Variants in TCEA1 observed in about 807,000 individuals in gnomAD.
TCEA1 encodes the protein transcription elongation factor A1, also known as transcription elongation factor A protein 1.
TCEA1 carries 21 observed loss-of-function variants against 43.8 expected under a neutral mutation model. The observed-to-expected ratio is 0.48, with a 90% CI of 0.34 to 0.69. TCEA1 has a LOEUF of 0.69. Among genes scored for constraint, TCEA1 ranks in the 30% least tolerant of loss-of-function variants. The pLI is 0.01. For missense variants in TCEA1, 250 were observed against 365.1 expected (o/e 0.68, Z 2.57); for synonymous variants, 104 against 117.5 (o/e 0.88, Z 0.75).
intron 1 of TCEA1, among the ~76,000 whole-genome samples, chr8:54,015,912 C>T (rs1169545879): frequency 6.6e-6 from 1 of 152,052 alleles, no homozygotes; most frequent in Non-Finnish European, 1.5e-5. Context: ...CAAATGGCCA[C>T]AAAGCAATGA....
intron 1 of TCEA1, among the ~76,000 whole-genome samples, chr8:54,019,288 G>C (rs1804944116): frequency 6.6e-6 from 1 of 152,014 alleles, no homozygotes; most frequent in Non-Finnish European, 1.5e-5. Context: ...AACTTTTTCA[G>C]GCTGGGCGCA....
chr8:53,999,039 T>C (rs936679901), intron 3 of TCEA1, among the ~76,000 whole-genome samples: 7 of 151,898 alleles, frequency 4.6e-5, no homozygotes, highest in Admixed American at 6.6e-5. Flanking sequence ...CCACCCTGGC[T>C]AACACGGTGA....
At chr8:53,984,638 C>G (rs555875290) in intron 6 of TCEA1, 121 bp from the exon 7 acceptor site, 5 of 725,870 alleles carry the variant, frequency 6.9e-6, no homozygotes, top group African/African-American at 5.4e-5. Flanking sequence ...AATCCCAGCA[C>G]TTTGGGAGGC....
chr8:53,988,130 T>C lies in TCEA1; in HGVS notation c.450A>G (p.Ala150=), dbSNP rs1180240381. Reference sequence around the variant, plus strand: ...TGGACTTACCCCCTGTTCGAAGAGCTGCAGCAAGCATCTCCCTACACTTCA... The same window carrying C: ...TGGACTTACCCCCTGTTCGAAGAGCCGCAGCAAGCATCTCCCTACACTTCA... ...VRLKCREMLA[A]ALRTGDDYIA... is the part of the protein sequence containing the mutation. Residue 150 remains alanine (A), a synonymous_variant, in exon 5 of 10, where the codon GCA becomes GCG. Coordinates refer to ENST00000521604, the MANE Select transcript of TCEA1 (RefSeq NM_006756.4). 6.2e-7 allele frequency: 1 copy of C among 1,611,684 alleles called. No individual in the cohort carries two copies. The highest frequency in any genetic ancestry group is 8.5e-7 in the Non-Finnish European group (1 of 1,179,496).
In TCEA1 at chr8:53,970,366, T is replaced by C. The variant is rs1303346049; in HGVS notation, c.897+26A>G. 3.4e-6 allele frequency: 5 copies of C among 1,486,072 alleles called. No homozygotes were observed. The East Asian group carries it at 9.1e-5, about 27-fold the overall frequency. The allele number at this position is 1,486,072 out of a possible 1,614,324, so 92.1% of individuals were successfully genotyped here. On this transcript the variant is annotated intron_variant, in intron 9 of 9. Coordinates refer to ENST00000521604, the MANE Select transcript of TCEA1 (RefSeq NM_006756.4). Reference sequence around the variant, plus strand: ...AATCTTTCTATTTTAAGTGAGTATATAATATGAATCCAAGAGAGTCCATAC... The same window carrying C: ...AATCTTTCTATTTTAAGTGAGTATACAATATGAATCCAAGAGAGTCCATAC...
chr8:53,988,733 C>T (rs1393336045), intron 4 of TCEA1, among the ~76,000 whole-genome samples: 1 of 152,074 alleles, frequency 6.6e-6, no homozygotes, highest in Non-Finnish European at 1.5e-5. Context: ...AGAATGACAG[C>T]TTTCAACCAA....
At chr8:53,970,490 T>G in intron 8 of TCEA1, 27 bp from the exon 9 acceptor site, 1 of 1,463,014 alleles carries the variant, frequency 6.8e-7, no homozygotes, top group South Asian at 1.2e-5. Context: ...TTAAATGTAC[T>G]TTTTGCAGTA....
intron 1 of TCEA1, among the ~76,000 whole-genome samples, chr8:54,015,763 A>G (rs1804799094): frequency 6.6e-6 from 1 of 152,188 alleles, no homozygotes; most frequent in Non-Finnish European, 1.5e-5. Flanking sequence ...TTACAACTCA[A>G]TAATAAAAAG....
At chr8:53,970,260 G>T in intron 9 of TCEA1, 132 bp downstream of exon 9, 1 of 746,972 alleles carries the variant, frequency 1.3e-6, no homozygotes, top group Non-Finnish European at 2.5e-6. Context: ...CAAGTAGTCA[G>T]GGAGTACAAG....
chr8:53,980,422 A>G (rs976984601), intron 7 of TCEA1, among the ~76,000 whole-genome samples: 3 of 152,192 alleles, frequency 2.0e-5, no homozygotes, highest in Middle Eastern at 3.2e-3. Flanking sequence ...TGCTGTGTTG[A>G]GCAAATCTAT....
chr8:54,010,972 C>T (rs1283871533), intron 1 of TCEA1, among the ~76,000 whole-genome samples: 12 of 152,084 alleles, frequency 7.9e-5, no homozygotes, highest in South Asian at 2.1e-4. Context: ...CACACCACCA[C>T]GCTGGGCTAA....
intron 8 of TCEA1, chr8:53,972,059 T>C: frequency 8.3e-6 from 2 of 241,890 alleles, no homozygotes; most frequent in South Asian, 5.9e-5. Flanking sequence ...GCACCTCTGA[T>C]GTGAAATCTC....
At position 54,010,491 on chromosome 8, in the gene TCEA1, G is replaced by A. The variant is rs1254012570; in HGVS notation, c.65C>T (p.Ala22Val). 5 of 1,595,490 alleles carry A rather than the reference G, an allele frequency of 3.1e-6. No individual in the cohort carries two copies. The highest frequency in any genetic ancestry group is 4.3e-6 in the Non-Finnish European group (5 of 1,172,096). Residue 22 changes from alanine (A) to valine (V), a missense_variant and splice_region_variant, in exon 2 of 10, where the codon GCT (alanine) becomes GTT (valine). Transcript: ENST00000521604. The part of the protein sequence containing the change: ...MDKMVQKKNA[A>V]GALDLLKELK... The stretch of plus-strand genomic sequence containing the variant: ...CTCCTTTAGCAAATCCAATGCTCCA[G>A]CCTATAAAATAAAATAATTTCATAT...
At chr8:53,973,081 C>T (rs1427808783) in intron 8 of TCEA1, 2 of 663,934 alleles carry the variant, frequency 3.0e-6, no homozygotes, top group African/African-American at 1.8e-5. Context: ...GACTACTTAG[C>T]TTCCTCTAGC....
chr8:53,973,754 C>T (rs2129298782), intron 8 of TCEA1: 3 of 513,548 alleles, frequency 5.8e-6, no homozygotes, highest in Non-Finnish European at 1.1e-5. Context: ...AAGCAATGTA[C>T]ACTTCCCACT....
chr8:53,989,496 G>C (rs991091371), intron 4 of TCEA1, among the ~76,000 whole-genome samples: 2 of 152,116 alleles, frequency 1.3e-5, no homozygotes, highest in Non-Finnish European at 1.5e-5. Flanking sequence ...GGTGCCTGTG[G>C]GTCAGACGGA....
intron 8 of TCEA1, chr8:53,973,154 T>C (rs993201360): frequency 5.5e-6 from 3 of 544,046 alleles, no homozygotes; most frequent in Non-Finnish European, 1.0e-5. Context: ...TAGAAGAAGA[T>C]GGGAAAACAA....
At chr8:54,021,910 C>G (rs1324801264) in intron 1 of TCEA1, 153 bp downstream of exon 1, 3 of 644,028 alleles carry the variant, frequency 4.7e-6, no homozygotes, top group Non-Finnish European at 7.0e-6. Context: ...GCCCCGGGCC[C>G]GGACACCCTC....
chr8:53,988,466 CT>C (rs1020069257), intron 4 of TCEA1, among the ~76,000 whole-genome samples: 7 of 151,576 alleles, frequency 4.6e-5, no homozygotes, highest in African/African-American at 1.2e-4. Flanking sequence ...ACAAGTATGC[CT>C]TTTTTTTGAA....
Sources: allele counts gnomAD v4.1 joint callset (sites outside exome capture counted in the v4.1 genomes callset), GRCh38; gene constraint gnomAD v4.1.1; transcripts MANE v1.5; gene names NCBI Gene and HGNC (gene_info 2026-07-23, HGNC 2026-07-21).